Variants in DNMT3A observed in about 807,000 individuals in gnomAD.
The protein encoded by DNMT3A is DNA (cytosine-5)-methyltransferase 3A.
In DNMT3A, 267 loss-of-function variants were observed where a neutral mutation model predicts 117.6. The observed-to-expected ratio is 2.27, with a 90% CI of 2.05 to 2.51. The LOEUF (loss-of-function observed/expected upper bound fraction) is 2.51, where lower values mean the gene tolerates loss of function less well. DNMT3A is among the 30% of genes most tolerant of loss of function. The pLI is 0.00. For missense variants in DNMT3A, 1,029 were observed against 1,260.2 expected (o/e 0.82, Z 2.78); for synonymous variants, 432 against 474.8 (o/e 0.91, Z 1.17).
rs1183502059 is a variant in DNMT3A, at chr2:25,232,050, G to C, written c.*2229C>G. 1 of 152,134 alleles carries C rather than the reference G, an allele frequency of 6.6e-6. No homozygotes were observed. The allele number at this position is 152,134 out of a possible 1,614,324, so 9.4% of individuals were successfully genotyped here. A position where few individuals can be genotyped will look rare whatever the true frequency, so the allele number is the denominator to read the frequency against. Reference sequence around the variant, plus strand: ...TGGTGTGGGGTTTAGGTCTGCAGTGGGGACCGAGGCTCAGCACACTAAGCC... The same window carrying C: ...TGGTGTGGGGTTTAGGTCTGCAGTGCGGACCGAGGCTCAGCACACTAAGCC... On this transcript the variant is annotated 3_prime_UTR_variant, in exon 23 of 23. Transcript: ENST00000321117. The surrounding 1 kb of genome is among the most constrained non-coding windows in gnomAD (Gnocchi z 4.1).
Position 25,234,309 on chromosome 2 carries a change from A to AGCGAAGAGGTG in DNMT3A, c.2698_2708dup (p.Pro904ThrfsTer6), listed in dbSNP as rs1310667376. The AGCGAAGAGGTG allele has an allele frequency of 6.2e-7, 1 of 1,613,976 alleles. No individual in the cohort carries two copies. The highest frequency in any genetic ancestry group is 1.7e-5 in the Admixed American group (1 of 59,992). The stretch of plus-strand genomic sequence containing the variant: ...CACACGCAAAATACTCCTTCAGCGG[A>AGCGAAGAGGTG]GCGAAGAGGTGGCGGATGACTGGCA... On this transcript the variant is annotated frameshift_variant, in exon 23 of 23. Transcript: ENST00000321117. LOFTEE classifies it high-confidence loss of function. The surrounding 1 kb of genome is among the most constrained non-coding windows in gnomAD (Gnocchi z 4.5).
Position 25,244,586 on chromosome 2 carries a change from A to AG in DNMT3A, c.1620dup (p.Cys541LeufsTer5). 1 of 1,614,226 alleles carries AG rather than the reference A, an allele frequency of 6.2e-7. No homozygotes were observed. The highest frequency in any genetic ancestry group is 8.5e-7 in the Non-Finnish European group (1 of 1,180,020). On this transcript the variant is annotated frameshift_variant, in exon 14 of 23. Coordinates refer to ENST00000321117, the MANE Select transcript of DNMT3A (RefSeq NM_022552.5). LOFTEE classifies it high-confidence loss of function. ...CACATGAGCACCTCACGGCCCCCAC[A>AG]GCAGATGGTGCAGTAGGACTGGTAG...
chr2:25,275,408 G>A, intron 5 of DNMT3A, 92 bp downstream of exon 5: 1 of 1,472,642 alleles, frequency 6.8e-7, no homozygotes, highest in South Asian at 1.3e-5. Flanking sequence ...GAAGGAGGAG[G>A]GGCCCACCCT....
intron 6 of DNMT3A, chr2:25,251,893 T>G: frequency 4.5e-6 from 2 of 441,256 alleles, no homozygotes; most frequent in African/African-American, 2.1e-5. Flanking sequence ...CAGCTCCGCG[T>G]GCCCCAGCCT....
rs938320361 is a variant in DNMT3A at position 25,282,085 on chromosome 2, T to C, written c.448+356A>G. ...GCCCACAACCAGCCACAGAAGGCGA[T>C]GGAGGGACCGCCATTATCCCAGTCT... On this transcript the variant is annotated intron_variant, in intron 4 of 22. Coordinates refer to ENST00000321117, the MANE Select transcript of DNMT3A (RefSeq NM_022552.5). The surrounding 1 kb of genome is among the most constrained non-coding windows in gnomAD (Gnocchi z 5.2). 5 of 1,141,774 alleles carry C rather than the reference T, an allele frequency of 4.4e-6. No homozygotes were observed. The African/African-American group carries it at 4.9e-5, about 11-fold the overall frequency. 70.7% of individuals were successfully genotyped at this position (1,141,774 alleles called of 1,614,324 possible).
At position 25,241,640 on chromosome 2, in the gene DNMT3A, G is replaced by GTCCTC; in HGVS notation, c.1999_2003dup (p.Asp668GlufsTer39). On this transcript the variant is annotated frameshift_variant, in exon 17 of 23. Transcript: ENST00000321117. LOFTEE classifies it high-confidence loss of function. ...GCCGCACCATGCCCACCGTGATGGAGTCCTCACACACCTCCGAGGCAATGT... is the reference window on the plus strand; with the variant it reads ...GCCGCACCATGCCCACCGTGATGGAGTCCTCTCCTCACACACCTCCGAGGCAATGT... 6.2e-7 allele frequency: 1 copy of GTCCTC among 1,614,184 alleles called. No homozygotes were observed. Among genetic ancestry groups the GTCCTC allele is most frequent in the Non-Finnish European group, 8.5e-7 (1 of 1,180,032 alleles).
rs1157646100 is a variant in DNMT3A at position 25,282,718 on chromosome 2, A to C, written c.178-7T>G. 3 of 1,519,842 alleles carry C rather than the reference A, an allele frequency of 2.0e-6. No homozygotes were observed. In the South Asian group the frequency reaches 3.9e-5, roughly 20 times the overall value. The allele number at this position is 1,519,842 out of a possible 1,614,324, so 94.1% of individuals were successfully genotyped here. A position where few individuals can be genotyped will look rare whatever the true frequency, so the allele number is the denominator to read the frequency against. On this transcript the variant is annotated splice_region_variant and splice_polypyrimidine_tract_variant and intron_variant, in intron 3 of 22. Transcript: ENST00000321117. The surrounding 1 kb of genome is among the most constrained non-coding windows in gnomAD (Gnocchi z 5.2). The stretch of plus-strand genomic sequence containing the variant: ...GCGTGTCACCGCTTTCCACCTGCAA[A>C]TGTAAGAAAGATACACAAGAGGAGG...
At chr2:25,335,836 G>C (rs906087931) in intron 1 of DNMT3A, among the ~76,000 whole-genome samples, 1 of 152,168 alleles carries the variant, frequency 6.6e-6, no homozygotes, top group African/African-American at 2.4e-5. Context: ...GGTGAGCAGG[G>C]CCGTGACCAC....
intron 2 of DNMT3A, among the ~76,000 whole-genome samples, chr2:25,302,909 G>C (rs1299322319): frequency 6.6e-6 from 1 of 152,224 alleles, no homozygotes; most frequent in East Asian, 1.9e-4. Context: ...CATGAGCCCA[G>C]CTTGTCCATT....
chr2:25,234,139 G>GT lies in DNMT3A; in HGVS notation c.*139dup. ...GCCCTCCGGTATTTCCGCCTCTGTG[G>GT]TTTTTGTTTTAAATTCCTTTTTCTC... On this transcript the variant is annotated 3_prime_UTR_variant, in exon 23 of 23. Transcript: ENST00000321117. This position sits in a 1 kb window ranked among gnomAD's most constrained non-coding sequence, Gnocchi z 4.5. 3.7e-6 allele frequency: 5 copies of GT among 1,337,424 alleles called. No homozygotes were observed. In the South Asian group the frequency reaches 5.2e-5, roughly 14 times the overall value. The allele number at this position is 1,337,424 out of a possible 1,614,324, so 82.8% of individuals were successfully genotyped here.
rs745406398 is a variant in DNMT3A at position 25,246,244 on chromosome 2, C to T, written c.1345G>A (p.Ala449Thr). ...GGCTTTTTGGCTGGTGGAGGTGGTG[C>T]GTAGGCAGCTGCCTCAGGTTCCACC... ...MWVEPEAAAYAPPPPAKKPRK... is the reference protein window; with the variant it reads ...MWVEPEAAAYTPPPPAKKPRK... Residue 449 changes from alanine (A) to threonine (T), a missense_variant, in exon 11 of 23, where the codon GCA becomes ACA. Ala to Thr is a moderately conservative substitution (Grantham distance 58). Coordinates refer to ENST00000321117, the MANE Select transcript of DNMT3A (RefSeq NM_022552.5). 15 of 1,613,970 alleles carry T rather than the reference C, an allele frequency of 9.3e-6. No individual in the cohort carries two copies. In the South Asian group the frequency reaches 1.2e-4, roughly 13 times the overall value.
intron 2 of DNMT3A, among the ~76,000 whole-genome samples, chr2:25,303,933 T>C (rs2033656484): frequency 6.6e-6 from 1 of 152,254 alleles, no homozygotes; most frequent in Non-Finnish European, 1.5e-5. Context: ...TTTTATTCCA[T>C]ATCTTTGCTG....
rs1337251414 is a variant in DNMT3A at position 25,247,026 on chromosome 2, C to G, written c.1122+25G>C. ...CCTCCTAGTGCTCTAGGCTCCTCCT[C>G]CGAGCTCCCAGCAGGGACACTCACC... On this transcript the variant is annotated intron_variant, in intron 9 of 22. Transcript: ENST00000321117. The surrounding 1 kb of genome is among the most constrained non-coding windows in gnomAD (Gnocchi z 5.6). 1.2e-6 allele frequency: 2 copies of G among 1,607,868 alleles called. No homozygotes were observed. The highest frequency in any genetic ancestry group is 1.7e-6 in the Non-Finnish European group (2 of 1,176,914).
intron 1 of DNMT3A, among the ~76,000 whole-genome samples, chr2:25,332,595 G>C (rs2035055499): frequency 6.6e-6 from 1 of 152,250 alleles, no homozygotes; most frequent in African/African-American, 2.4e-5. Flanking sequence ...GAAAACTCAA[G>C]TGCTGCCAGG....
rs2033664938 is a variant in DNMT3A, at chr2:25,304,113, C to A, written c.73-3870G>T. 6.6e-6 allele frequency among the ~76,000 whole-genome samples: 1 copy of A among 152,132 alleles called. No individual in the cohort carries two copies. The highest frequency in any genetic ancestry group is 1.5e-5 in the Non-Finnish European group (1 of 68,030). On this transcript the variant is annotated intron_variant, in intron 2 of 22. Coordinates refer to ENST00000321117, the MANE Select transcript of DNMT3A (RefSeq NM_022552.5). The surrounding 1 kb of genome is among the most constrained non-coding windows in gnomAD (Gnocchi z 4.3). ...ACAGATTTGAGCCCAGGTTGGTTTC[C>A]TCATCTGTCAAGCCAGGGGACTGAA... is the stretch of plus-strand genomic sequence containing the variant.
chr2:25,256,948 G>T (rs1301815240), intron 6 of DNMT3A, among the ~76,000 whole-genome samples: 4 of 152,216 alleles, frequency 2.6e-5, no homozygotes, highest in Non-Finnish European at 5.9e-5. Flanking sequence ...TGAACTGAAT[G>T]CAGTGTTGTC....
chr2:25,268,614 C>T (rs750501603), intron 6 of DNMT3A, among the ~76,000 whole-genome samples: 18 of 152,152 alleles, frequency 1.2e-4, no homozygotes, highest in Non-Finnish European at 2.1e-4. Flanking sequence ...CTACCCTGCC[C>T]TCCCCACAGC....
intron 6 of DNMT3A, among the ~76,000 whole-genome samples, chr2:25,250,222 T>C (rs766552318): frequency 2.0e-5 from 3 of 152,196 alleles, no homozygotes; most frequent in Non-Finnish European, 4.4e-5. Flanking sequence ...TGTTTGAAGC[T>C]CAGTGGTCCA....
chr2:25,238,163 G>A (rs1487349082), intron 20 of DNMT3A, among the ~76,000 whole-genome samples: 1 of 152,130 alleles, frequency 6.6e-6, no homozygotes, highest in Non-Finnish European at 1.5e-5. Flanking sequence ...GAAAATACTG[G>A]ACCTCATTAG....
Sources: gnomAD v4.1 joint callset for allele counts (sites outside exome capture counted in the v4.1 genomes callset) on GRCh38, gnomAD v4.1.1 for gene constraint, Gnocchi (gnomAD v3.1) non-coding constraint, MANE v1.5 for transcripts, NCBI Gene and HGNC (gene_info 2026-07-23, HGNC 2026-07-21) for gene names.